The following TTC28 variants were observed in gnomAD, a reference collection of about 807,000 sequenced individuals.
TTC28 encodes the protein tetratricopeptide repeat domain 28, also known as tetratricopeptide repeat protein 28.
A neutral mutation model predicts 198.0 loss-of-function variants in TTC28; 61 were observed. That is an observed-to-expected ratio of 0.31 (90% CI 0.25 to 0.38). The LOEUF (loss-of-function observed/expected upper bound fraction) is 0.38. Ranked by LOEUF, TTC28 falls within the 10% of genes least tolerant of loss-of-function variation. The probability of loss-of-function intolerance (pLI) is 1.00; values close to 1 mark genes in which losing one functional copy is unlikely to be tolerated. For synonymous variants in TTC28, 1,171 were observed against 1,297.8 expected (o/e 0.90, Z 2.10); for missense variants, 2,678 against 3,164.0 (o/e 0.85, Z 3.69).
intron 1 of TTC28, among the ~76,000 whole-genome samples, chr22:28,644,412 A>AAG (rs1320565123): frequency 1.3e-5 from 2 of 151,502 alleles, no homozygotes; most frequent in African/African-American, 4.9e-5. Context: ...AAAAAAAAAA[A>AAG]AAATACAGAA....
At chr22:28,556,092 C>T (rs145252159) in intron 2 of TTC28, among the ~76,000 whole-genome samples, 67 of 152,046 alleles carry the variant, frequency 4.4e-4, no homozygotes, top group Non-Finnish European at 7.5e-4. Context: ...GGCACAGTGG[C>T]TCATGCCTGT....
At chr22:28,139,884 A>G (rs1943288890) in intron 6 of TTC28, among the ~76,000 whole-genome samples, 1 of 152,094 alleles carries the variant, frequency 6.6e-6, no homozygotes, top group South Asian at 2.1e-4. Flanking sequence ...TCTCCTCTCT[A>G]TAGGCTAAAT....
At chr22:27,990,653 CGCGGG>C in intron 20 of TTC28, 131 bp downstream of exon 20, 1 of 773,934 alleles carries the variant, frequency 1.3e-6, no homozygotes, top group East Asian at 2.9e-5. Context: ...AGTGCGCACC[CGCGGG>C]GGCGCCGCAG....
rs1343739360 is a variant in TTC28 at position 28,001,396 on chromosome 22, C to T, written c.4376G>A (p.Arg1459His). ...TACCTTGGACTGCACGCTGAGGGAG[C>T]GGATGGAAGGGACAGCAAGGAGGCC... ...RFGLLAVPSIRSLSVQSKSHL... is the reference protein window; with the variant it reads ...RFGLLAVPSIHSLSVQSKSHL... The change falls in exon 15 of 23, where the codon CGC (arginine) becomes CAC (histidine). Residue 1459 changes from arginine to histidine, a missense_variant. Arg to His is a conservative substitution (Grantham distance 29, BLOSUM62 0). Around this residue, in one of 8 missense-constraint regions of TTC28, gnomAD observed 727 missense variants for 861.9 expected, o/e 0.84. Transcript: ENST00000397906. 5.2e-6 allele frequency: 8 copies of T among 1,550,892 alleles called. No individual in the cohort carries two copies. The highest frequency in any genetic ancestry group is 2.4e-5 in the East Asian group (1 of 40,898).
At chr22:28,649,807 T>C (rs1456666314) in intron 1 of TTC28, among the ~76,000 whole-genome samples, 1 of 152,218 alleles carries the variant, frequency 6.6e-6, no homozygotes, top group Non-Finnish European at 1.5e-5. Flanking sequence ...AAGTTACAAA[T>C]ACATGCAATT....
chr22:28,170,438 A>G (rs993826202), intron 5 of TTC28, among the ~76,000 whole-genome samples: 8 of 151,614 alleles, frequency 5.3e-5, no homozygotes, highest in Admixed American at 5.3e-4. Flanking sequence ...GCAGTGAGCC[A>G]AGATCACACC....
intron 13 of TTC28, among the ~76,000 whole-genome samples, chr22:28,018,742 C>T (rs2146596248): frequency 6.6e-6 from 1 of 152,246 alleles, no homozygotes; most frequent in African/African-American, 2.4e-5. Context: ...AAACCAAGGC[C>T]AAGAGCTACT....
intron 12 of TTC28, among the ~76,000 whole-genome samples, chr22:28,083,906 G>A (rs558089642): frequency 2.6e-4 from 39 of 152,338 alleles, no homozygotes; most frequent in Non-Finnish European, 5.4e-4. Context: ...ACGGAGCCTC[G>A]CTCATTGCTA....
chr22:28,669,290 C>T (rs1209975698), intron 1 of TTC28, among the ~76,000 whole-genome samples: 1 of 139,880 alleles, frequency 7.1e-6, no homozygotes, highest in African/African-American at 2.7e-5. Context: ...TACCCTAAAA[C>T]TTAGAGTATA....
chr22:28,024,937 G>C (rs1320373698), intron 13 of TTC28, among the ~76,000 whole-genome samples: 1 of 152,200 alleles, frequency 6.6e-6, no homozygotes, highest in African/African-American at 2.4e-5. Context: ...GAGATGGAGA[G>C]AACACTCAGC....
chr22:28,396,028 A>T (rs2046809824), intron 2 of TTC28, among the ~76,000 whole-genome samples: 1 of 152,230 alleles, frequency 6.6e-6, no homozygotes, highest in Admixed American at 6.5e-5. Context: ...AAACTTATTT[A>T]TCATTATTAT....
At chr22:28,113,158 T>C (rs548567696) in intron 6 of TTC28, among the ~76,000 whole-genome samples, 3 of 152,210 alleles carry the variant, frequency 2.0e-5, no homozygotes, top group African/African-American at 7.2e-5. Flanking sequence ...TTACTAAACA[T>C]AGAATGCAGT....
intron 2 of TTC28, among the ~76,000 whole-genome samples, chr22:28,582,633 T>C (rs1014041711): frequency 3.3e-5 from 5 of 152,080 alleles, no homozygotes; most frequent in African/African-American, 1.2e-4. Context: ...CATTAAACAG[T>C]TTTATGTCTG....
chr22:28,373,084 T>C (rs1221994205), intron 2 of TTC28, among the ~76,000 whole-genome samples: 1 of 152,142 alleles, frequency 6.6e-6, no homozygotes, highest in Non-Finnish European at 1.5e-5. Flanking sequence ...ACAGGTGACC[T>C]CACCCCTAAA....
intron 12 of TTC28, among the ~76,000 whole-genome samples, chr22:28,059,016 G>A (rs1166611772): frequency 6.6e-6 from 1 of 151,714 alleles, no homozygotes; most frequent in African/African-American, 2.4e-5. Context: ...TGAGGGTTTG[G>A]TTTATCAATT....
At position 28,014,230 on chromosome 22, in the gene TTC28, C is replaced by G. The variant is rs1278737677; in HGVS notation, c.4218+18G>C. On this transcript the variant is annotated intron_variant, in intron 14 of 22. Coordinates refer to ENST00000397906, the MANE Select transcript of TTC28 (RefSeq NM_001145418.2). ...TGTTCTGATGCGGAGGAGCCTTGTG[C>G]CCCCAGGAGGTGCTTACCCCTTCCA... is the stretch of plus-strand genomic sequence containing the variant. 1.9e-6 allele frequency: 3 copies of G among 1,543,720 alleles called. No individual in the cohort carries two copies. The Admixed American group carries it at 6.0e-5, about 31-fold the overall frequency.
intron 2 of TTC28, among the ~76,000 whole-genome samples, chr22:28,402,165 C>T (rs1403655915): frequency 2.0e-5 from 3 of 152,130 alleles, no homozygotes; most frequent in African/African-American, 7.2e-5. Flanking sequence ...AATACAATAC[C>T]ACCATTTTAT....
At chr22:28,382,477 T>C (rs2046511264) in intron 2 of TTC28, among the ~76,000 whole-genome samples, 1 of 152,144 alleles carries the variant, frequency 6.6e-6, no homozygotes, top group East Asian at 1.9e-4. Flanking sequence ...ATAACAGAGA[T>C]TTGATTCTTT....
chr22:28,548,334 G>A (rs993685605), intron 2 of TTC28, among the ~76,000 whole-genome samples: 1 of 152,202 alleles, frequency 6.6e-6, no homozygotes, highest in African/African-American at 2.4e-5. Context: ...ATCTCAGGGT[G>A]TTGAGGAAGT....
Sources: gnomAD v4.1 joint callset for allele counts (sites outside exome capture counted in the v4.1 genomes callset) on GRCh38, gnomAD v4.1.1 for gene constraint, gnomAD v4.1.1 regional missense constraint, MANE v1.5 for transcripts, NCBI Gene and HGNC (gene_info 2026-07-23, HGNC 2026-07-21) for gene names.